THOC5: variants seen among roughly 807,000 people sequenced by gnomAD.
THOC5 encodes Fms-interacting protein.
THOC5 carries 43 observed loss-of-function variants against 92.9 expected under a neutral mutation model. The ratio of observed to expected loss-of-function variants is 0.46; its 90% CI spans 0.36 to 0.60. The LOEUF (loss-of-function observed/expected upper bound fraction) is 0.60, where lower values mean the gene tolerates loss of function less well. THOC5 is among the 20% of genes least tolerant of loss of function. THOC5 has a pLI of 0.00. For synonymous variants in THOC5, 296 were observed against 320.1 expected (o/e 0.92, Z 0.80); for missense variants, 659 against 849.4 (o/e 0.78, Z 2.79).
At chr22:29,535,256 G>GTC (rs2063736528) in intron 7 of THOC5, 2 of 108,692 alleles carry the variant, frequency 1.8e-5, no homozygotes, top group Non-Finnish European at 3.5e-5. Flanking sequence ...GAGCAACTCT[G>GTC]TCTCCAAAAA....
At chr22:29,517,732 G>C (rs2063360887) in intron 15 of THOC5, among the ~76,000 whole-genome samples, 1 of 152,256 alleles carries the variant, frequency 6.6e-6, no homozygotes, top group South Asian at 2.1e-4. Context: ...AGCTGACCTT[G>C]ATGGAGGAAA....
At chr22:29,537,521 C>A (rs1601437454) in intron 6 of THOC5, among the ~76,000 whole-genome samples, 1 of 152,120 alleles carries the variant, frequency 6.6e-6, no homozygotes, top group East Asian at 1.9e-4. Context: ...CGCCTGTAAT[C>A]CCAGCTACTC....
intron 11 of THOC5, among the ~76,000 whole-genome samples, chr22:29,527,059 C>T (rs2063558763): frequency 6.6e-6 from 1 of 152,052 alleles, no homozygotes. Context: ...TAAGATGTAA[C>T]TTTAGGGAAG....
chr22:29,522,773 C>T (rs564745196), intron 12 of THOC5, among the ~76,000 whole-genome samples: 172 of 152,098 alleles, frequency 1.1e-3, no homozygotes, highest in Non-Finnish European at 1.8e-3. Flanking sequence ...GAGGCCGAGG[C>T]GGGCAGATCA....
At chr22:29,518,947 T>A in intron 15 of THOC5, 59 bp downstream of exon 15, 1 of 1,073,222 alleles carries the variant, frequency 9.3e-7, no homozygotes, top group Non-Finnish European at 1.4e-6. Flanking sequence ...AAGGCTAAGT[T>A]GTTGTTGTCC....
At chr22:29,526,273 CTGTAA>C (rs1171896965) in intron 11 of THOC5, among the ~76,000 whole-genome samples, 1 of 152,122 alleles carries the variant, frequency 6.6e-6, no homozygotes, top group East Asian at 1.9e-4. Context: ...TGGCTCACAC[CTGTAA>C]TCCCAGCACT....
intron 18 of THOC5, 72 bp from the exon 19 acceptor site, chr22:29,511,368 G>A (rs1412152988): frequency 1.3e-5 from 20 of 1,528,074 alleles, no homozygotes; most frequent in South Asian, 8.4e-5. Context: ...CCAGGCTTCC[G>A]TCCCTGGATG....
At chr22:29,511,459 C>T in intron 18 of THOC5, 163 bp from the exon 19 acceptor site, 2 of 667,526 alleles carry the variant, frequency 3.0e-6, no homozygotes, top group Admixed American at 3.0e-5. Context: ...GTCCTCAGGC[C>T]CCCTCATCAA....
intron 6 of THOC5, among the ~76,000 whole-genome samples, chr22:29,538,220 G>C (rs1638544548): frequency 6.6e-6 from 1 of 152,254 alleles, no homozygotes; most frequent in African/African-American, 2.4e-5. Context: ...CTGACCTTGT[G>C]ATCCGCCTGC....
At chr22:29,520,962 G>T in intron 13 of THOC5, 36 bp downstream of exon 13, 1 of 1,531,344 alleles carries the variant, frequency 6.5e-7, no homozygotes, top group Non-Finnish European at 9.1e-7. Context: ...AAACTCAGAA[G>T]TAGAGAGCTC....
intron 3 of THOC5, 44 bp downstream of exon 3, chr22:29,544,416 A>AT: frequency 1.9e-6 from 3 of 1,598,358 alleles, no homozygotes; most frequent in Non-Finnish European, 2.6e-6. Flanking sequence ...AGCCTCATCT[A>AT]TGTAAACCCA....
chr22:29,518,016 G>T (rs923951575), intron 15 of THOC5, among the ~76,000 whole-genome samples: 1 of 152,118 alleles, frequency 6.6e-6, no homozygotes, highest in Non-Finnish European at 1.5e-5. Context: ...TGCCTTTCCT[G>T]ACAGAGACTC....
At chr22:29,536,823 A>C in intron 6 of THOC5, 85 bp from the exon 7 acceptor site, 1 of 777,148 alleles carries the variant, frequency 1.3e-6, no homozygotes, top group Non-Finnish European at 2.3e-6. Context: ...TCCACCTAAT[A>C]GTAGCAGCCA....
At chr22:29,542,755 C>A in intron 5 of THOC5, 104 bp downstream of exon 5, 2 of 717,080 alleles carry the variant, frequency 2.8e-6, no homozygotes, top group Middle Eastern at 2.6e-4. Context: ...CAGGGCAAGA[C>A]TCCGTCTCAA....
In THOC5 at chr22:29,508,193, CT is replaced by C. The variant is rs2146417399; in HGVS notation, c.*263del. 1.9e-6 allele frequency: 1 copy of C among 521,098 alleles called. No homozygotes were observed. Among genetic ancestry groups the C allele is most frequent in the Non-Finnish European group, 3.4e-6 (1 of 291,796 alleles). The allele number at this position is 521,098 out of a possible 1,614,324, so 32.3% of individuals were successfully genotyped here. A position where few individuals can be genotyped will look rare whatever the true frequency, so the allele number is the denominator to read the frequency against. ...GAGCATCTCTCTGCAGAATTGGAAT[CT>C]TTTTCCACTCTGCTTTTATTGGCTG... is the stretch of plus-strand genomic sequence containing the variant. On this transcript the variant is annotated 3_prime_UTR_variant, in exon 20 of 20. Transcript: ENST00000490103.
At chr22:29,535,563 C>A (rs2063743927) in intron 7 of THOC5, among the ~76,000 whole-genome samples, 1 of 152,120 alleles carries the variant, frequency 6.6e-6, no homozygotes, top group Non-Finnish European at 1.5e-5. Context: ...GATCTTCTTT[C>A]ATATTTCAGT....
In THOC5 at chr22:29,510,847, T is replaced by G. The variant is rs770186403; in HGVS notation, c.1988+259A>C. Reference sequence around the variant, plus strand: ...GATGCACACAGTTTAAAAAGCTTATTTGGACACTAAAAAGCAAACAAACTC... The same window carrying G: ...GATGCACACAGTTTAAAAAGCTTATGTGGACACTAAAAAGCAAACAAACTC... On this transcript the variant is annotated intron_variant, in intron 19 of 19. Transcript: ENST00000490103. Among the ~76,000 whole-genome samples, 4 of 152,136 alleles carry G rather than the reference T, an allele frequency of 2.6e-5. No homozygotes were observed. The South Asian group carries it at 8.3e-4, about 32-fold the overall frequency.
chr22:29,527,957 AAT>A, intron 11 of THOC5, 119 bp downstream of exon 11: 1 of 840,164 alleles, frequency 1.2e-6, no homozygotes, highest in East Asian at 2.6e-5. Flanking sequence ...AAAACAAAGC[AAT>A]ATGAAATGGG....
At chr22:29,520,740 C>T (rs974889929) in intron 13 of THOC5, among the ~76,000 whole-genome samples, 2 of 152,232 alleles carry the variant, frequency 1.3e-5, no homozygotes, top group African/African-American at 4.8e-5. Context: ...AAGGAATCCA[C>T]CTGCTTTGGC....
Sources: gnomAD v4.1 joint callset for allele counts (sites outside exome capture counted in the v4.1 genomes callset) on GRCh38, gnomAD v4.1.1 for gene constraint, MANE v1.5 for transcripts, NCBI Gene and HGNC (gene_info 2026-07-23, HGNC 2026-07-21) for gene names.